The following CAPN12 variants were observed in gnomAD, a reference collection of about 807,000 sequenced individuals.
CAPN12 encodes calpain-12.
Under a neutral mutation model 95.0 loss-of-function variants are expected in CAPN12, and 107 were observed. That is an observed-to-expected ratio of 1.13 (90% CI 0.96 to 1.32). The LOEUF is 1.32. Among genes scored for constraint, CAPN12 ranks in the 40% most tolerant of loss-of-function variants. CAPN12 has a pLI of 0.00. For synonymous variants in CAPN12, 505 were observed against 415.5 expected, an observed-to-expected ratio of 1.22 and a Z score of -2.62; for missense variants, 1,136 against 997.8, an observed-to-expected ratio of 1.14 and a Z score of -1.87.
intron 14 of CAPN12, 44 bp from the exon 15 acceptor site, chr19:38,734,914 C>A: frequency 1.5e-5 from 24 of 1,592,196 alleles, no homozygotes; most frequent in Non-Finnish European, 2.0e-5. Context: ...ACTCATCCAG[C>A]TGCTCTGGGC....
intron 18 of CAPN12, chr19:38,731,558 T>C: frequency 2.7e-6 from 1 of 369,532 alleles, no homozygotes; most frequent in Non-Finnish European, 5.1e-6. Context: ...GATATTTCTG[T>C]GCAGCAAAAA....
chr19:38,740,002 T>A (rs1037160096), intron 5 of CAPN12, 49 bp downstream of exon 5: 2 of 1,493,238 alleles, frequency 1.3e-6, no homozygotes, highest in African/African-American at 2.8e-5. Context: ...CACCCCTGAC[T>A]GTGCTCTGGT....
chr19:38,739,676 C>G (rs1049811702), intron 5 of CAPN12: 5 of 162,446 alleles, frequency 3.1e-5, no homozygotes, highest in African/African-American at 1.2e-4. Flanking sequence ...AGAATCAATC[C>G]TGGGACTTTT....
chr19:38,736,251 G>T lies in CAPN12; in HGVS notation c.1442C>A (p.Ser481Ter). Residue 481 changes from serine to a stop codon, truncating the protein, a stop_gained, in exon 12 of 21, where the codon TCG becomes TAG. Transcript: ENST00000328867. LOFTEE classifies it high-confidence loss of function. ...LLPRLLRADR[S>*]PLSARRDVTR... ...CACGTCGCGGCGGGCGCTGAGGGGC[G>T]AGCGGTCGGCGCGCAGCAGCCGGGG... 6 of 1,475,524 alleles carry T rather than the reference G, an allele frequency of 4.1e-6. No individual in the cohort carries two copies. Among genetic ancestry groups the T allele is most frequent in the Non-Finnish European group, 5.4e-6 (6 of 1,121,254 alleles). The allele number at this position is 1,475,524 out of a possible 1,614,324, so 91.4% of individuals were successfully genotyped here.
chr19:38,738,573 C>A lies in CAPN12; in HGVS notation c.804+1G>T. 2 of 1,613,980 alleles carry A rather than the reference C, an allele frequency of 1.2e-6. No individual in the cohort carries two copies. Among genetic ancestry groups the A allele is most frequent in the Non-Finnish European group, 1.7e-6 (2 of 1,179,994 alleles). ...CCACCCCACCCATGGGGGACACTTA[C>A]CTTGTGTGTGCCCGTGATGGAATAC... On this transcript the variant is annotated splice_donor_variant, in intron 6 of 20. Transcript: ENST00000328867. LOFTEE classifies it high-confidence loss of function.
chr19:38,739,603 T>C (rs1481528331), intron 5 of CAPN12: 1 of 153,830 alleles, frequency 6.5e-6, no homozygotes, highest in Admixed American at 6.5e-5. Context: ...TTAGACCAAC[T>C]CAGTGAATGA....
intron 8 of CAPN12, 94 bp from the exon 9 acceptor site, chr19:38,737,732 T>G: frequency 7.1e-7 from 1 of 1,402,328 alleles, no homozygotes; most frequent in Non-Finnish European, 9.5e-7. Flanking sequence ...CCCCTCACAT[T>G]TCTTAAATAT....
chr19:38,733,102 G>C (rs1402207678), intron 18 of CAPN12: 1 of 142,508 alleles, frequency 7.0e-6, no homozygotes. Context: ...CTGTGTACTA[G>C]CTTTTTTTTT....
In CAPN12 at chr19:38,737,472, C is replaced by T; in HGVS notation, c.1129+3G>A. On this transcript the variant is annotated splice_donor_region_variant and intron_variant, in intron 9 of 20. Coordinates refer to ENST00000328867, the MANE Select transcript of CAPN12 (RefSeq NM_144691.4). ...AAGCCTCTCAGGGCCCCTCAGGCCT[C>T]ACCAGCATTAGGCTGGCTCCCGCCG... is the stretch of plus-strand genomic sequence containing the variant. The T allele has an allele frequency of 1.2e-6, 2 of 1,612,774 alleles. No homozygotes were observed. The highest frequency in any genetic ancestry group is 1.7e-6 in the Non-Finnish European group (2 of 1,179,908).
At chr19:38,734,995 C>A in intron 14 of CAPN12, 125 bp from the exon 15 acceptor site, 1 of 843,160 alleles carries the variant, frequency 1.2e-6, no homozygotes, top group Non-Finnish European at 1.9e-6. Flanking sequence ...GTGGGGGAGA[C>A]AGACCTGTCC....
At chr19:38,738,545 C>T (rs1285793643) in intron 6 of CAPN12, 29 bp downstream of exon 6, 2 of 1,613,710 alleles carry the variant, frequency 1.2e-6, no homozygotes, top group African/African-American at 1.3e-5. Context: ...TGGACATGGC[C>T]TGCCACCCCA....
Position 38,735,443 on chromosome 19 carries a change from G to A in CAPN12, c.1627-14C>T, listed in dbSNP as rs367982222. ...CAGGTAGGGGCCCTGCCGCATGGCG[G>A]AAGTTTAGCGCTGGCCAAGATCCCC... On this transcript the variant is annotated splice_polypyrimidine_tract_variant and intron_variant, in intron 13 of 20. Coordinates refer to ENST00000328867, the MANE Select transcript of CAPN12 (RefSeq NM_144691.4). 1.2e-6 allele frequency: 2 copies of A among 1,610,884 alleles called. No individual in the cohort carries two copies. The highest frequency in any genetic ancestry group is 1.7e-5 in the Admixed American group (1 of 59,868).
At chr19:38,735,055 T>C (rs1969920211) in intron 14 of CAPN12, 185 bp from the exon 15 acceptor site, 7 of 618,972 alleles carry the variant, frequency 1.1e-5, no homozygotes, top group Non-Finnish European at 2.0e-5. Context: ...TGGTTGCTGG[T>C]GGGGGGCCAG....
rs62120076 is a variant in CAPN12 at position 38,736,613 on chromosome 19, C to T, written c.1363-50G>A. ...GTCGGGGCAGGGGAGAGGTGGCCGC[C>T]GCTCAGGGTCTCCTCCCTGCCCCTT... is the stretch of plus-strand genomic sequence containing the variant. On this transcript the variant is annotated intron_variant, in intron 10 of 20. Transcript: ENST00000328867. 2.6e-3 allele frequency: 3,873 copies of T among 1,497,856 alleles called. 237 individuals are homozygous for T. Among genetic ancestry groups the T allele is most frequent in the South Asian group, 0.011 (805 of 76,306 alleles). 92.8% of individuals were successfully genotyped at this position (1,497,856 alleles called of 1,614,324 possible). A position where few individuals can be genotyped will look rare whatever the true frequency, so the allele number is the denominator to read the frequency against.
intron 15 of CAPN12, 74 bp from the exon 16 acceptor site, chr19:38,734,463 ACTCC>A: frequency 2.3e-6 from 3 of 1,322,888 alleles, no homozygotes; most frequent in Non-Finnish European, 2.1e-6. Flanking sequence ...GGTGGATGTG[ACTCC>A]CTTAAGCAGG....
intron 18 of CAPN12, among the ~76,000 whole-genome samples, chr19:38,732,021 A>G (rs896155490): frequency 2.0e-5 from 3 of 152,256 alleles, no homozygotes; most frequent in African/African-American, 4.8e-5. Flanking sequence ...CTATGGGGAA[A>G]CCCAGCCAGA....
At position 38,737,570 on chromosome 19, in the gene CAPN12, A is replaced by G. The variant is rs756131460; in HGVS notation, c.1034T>C (p.Leu345Pro). Residue 345 changes from leucine (L) to proline (P), a missense_variant, in exon 9 of 21, where the codon CTG (leucine) becomes CCG (proline). Transcript: ENST00000328867. ...GCCGCCCCCCTCCGGGCTGGGGCCC[A>G]GCACCTCCGGGCTCAGCGAGCAGAT... ...VQICSLSPEV[L>P]GPSPEGGGWH... The G allele has an allele frequency of 1.9e-6, 3 of 1,612,274 alleles. No homozygotes were observed. Among genetic ancestry groups the G allele is most frequent in the Non-Finnish European group, 2.5e-6 (3 of 1,179,792 alleles).
chr19:38,730,662 T>G lies in CAPN12; in HGVS notation c.*190A>C. The G allele has an allele frequency of 1.5e-6, 1 of 660,340 alleles. No individual in the cohort carries two copies. Among genetic ancestry groups the G allele is most frequent in the Non-Finnish European group, 2.6e-6 (1 of 378,298 alleles). The allele number at this position is 660,340 out of a possible 1,614,324, so 40.9% of individuals were successfully genotyped here. A position where few individuals can be genotyped will look rare whatever the true frequency, so the allele number is the denominator to read the frequency against. On this transcript the variant is annotated 3_prime_UTR_variant, in exon 21 of 21. Transcript: ENST00000328867. ...CGTGTCATCTGCTCGAGAAGGGCTG[T>G]CGCTGTTCTTGTTTCTGAGTGAGGA...
At position 38,740,120 on chromosome 19, in the gene CAPN12, G is replaced by A. The variant is rs756076436; in HGVS notation, c.660C>T (p.Asn220=). ...GCAGGGCAGAGAACAGCCCCATGCTGTTTTGTCTCAGATAGAGCACCTCGC... is the reference window on the plus strand; with the variant it reads ...GCAGGGCAGAGAACAGCCCCATGCTATTTTGTCTCAGATAGAGCACCTCGC... The part of the protein sequence containing the change: ...GVGEVLYLRQ[N]SMGLFSALRH... The change falls in exon 5 of 21, where the codon AAC becomes AAT. Residue 220 remains asparagine (N), a synonymous_variant. Transcript: ENST00000328867. The A allele has an allele frequency of 6.8e-6, 11 of 1,613,718 alleles. 1 individual carries two copies. Among genetic ancestry groups the A allele is most frequent in the South Asian group, 2.2e-5 (2 of 91,038 alleles).
Sources: allele counts gnomAD v4.1 joint callset (sites outside exome capture counted in the v4.1 genomes callset), GRCh38; gene constraint gnomAD v4.1.1; transcripts MANE v1.5; gene names NCBI Gene and HGNC (gene_info 2026-07-23, HGNC 2026-07-21).